TYW1B: variants seen among roughly 807,000 people sequenced by gnomAD.
The protein encoded by TYW1B is S-adenosyl-L-methionine-dependent tRNA 4-demethylwyosine synthase TYW1B.
In TYW1B, 73 loss-of-function variants were observed where a neutral mutation model predicts 86.9. The ratio of observed to expected loss-of-function variants is 0.84; its 90% CI spans 0.70 to 1.02. The LOEUF (loss-of-function observed/expected upper bound fraction) is 1.02. TYW1B is among the 50% of genes least tolerant of loss of function. TYW1B has a pLI of 0.00. For missense variants in TYW1B, 637 were observed against 827.4 expected (o/e 0.77, Z 2.82); for synonymous variants, 248 against 292.8 (o/e 0.85, Z 1.56).
At chr7:72,712,274 G>A (rs1786683832) in intron 10 of TYW1B, among the ~76,000 whole-genome samples, 1 of 151,986 alleles carries the variant, frequency 6.6e-6, no homozygotes, top group Non-Finnish European at 1.5e-5. Flanking sequence ...CCTCTTCTCC[G>A]CTAGCCTCTC....
At chr7:72,792,031 C>A (rs550178953) in intron 6 of TYW1B, among the ~76,000 whole-genome samples, 3 of 152,042 alleles carry the variant, frequency 2.0e-5, no homozygotes, top group Non-Finnish European at 4.4e-5. Flanking sequence ...TTCAGGCAGA[C>A]AGAAAGAAAT....
intron 7 of TYW1B, among the ~76,000 whole-genome samples, chr7:72,754,772 TAAGATGGTGCAAATAGCTAAC>T (rs1554465696): frequency 6.6e-6 from 1 of 152,146 alleles, no homozygotes; most frequent in Non-Finnish European, 1.5e-5. Flanking sequence ...TTACCCATTA[TAAGATGGTGCAAATAGCTAAC>T]TGCTTCCTGA....
At chr7:72,800,193 T>C (rs1358809865) in intron 6 of TYW1B, among the ~76,000 whole-genome samples, 2 of 151,982 alleles carry the variant, frequency 1.3e-5, no homozygotes, top group African/African-American at 2.4e-5. Flanking sequence ...TAACAGATGT[T>C]TCACATCTTT....
chr7:72,708,678 C>T (rs1212722511), intron 10 of TYW1B, among the ~76,000 whole-genome samples: 1 of 152,148 alleles, frequency 6.6e-6, no homozygotes, highest in Non-Finnish European at 1.5e-5. Context: ...ATTTTGATTC[C>T]TCCTATCCAC....
intron 11 of TYW1B, among the ~76,000 whole-genome samples, chr7:72,683,093 TTTTATCAGAGC>T: frequency 6.6e-6 from 1 of 152,098 alleles, no homozygotes; most frequent in Non-Finnish European, 1.5e-5. Flanking sequence ...ACTTGCTTGG[TTTTATCAGAGC>T]CTAACTAACC....
chr7:72,625,023 C>A (rs1296307975), intron 12 of TYW1B, among the ~76,000 whole-genome samples: 1 of 150,346 alleles, frequency 6.7e-6, no homozygotes. Flanking sequence ...TGTGCCAGTG[C>A]GCTCCAGCCT....
chr7:72,653,710 G>T (rs1554443177), intron 11 of TYW1B, among the ~76,000 whole-genome samples: 1 of 152,042 alleles, frequency 6.6e-6, no homozygotes, highest in East Asian at 1.9e-4. Flanking sequence ...ACATTGGCAG[G>T]CTAGTACAGA....
At chr7:72,607,344 A>C (rs1811823351) in intron 13 of TYW1B, among the ~76,000 whole-genome samples, 1 of 147,340 alleles carries the variant, frequency 6.8e-6, no homozygotes, top group South Asian at 2.3e-4. Context: ...GTGAGCCAAG[A>C]TTGTGCCACT....
At chr7:72,716,242 T>C (rs1158587615) in intron 9 of TYW1B, among the ~76,000 whole-genome samples, 1 of 152,158 alleles carries the variant, frequency 6.6e-6, no homozygotes, top group Non-Finnish European at 1.5e-5. Context: ...CAGCCATTAT[T>C]GGCCATCTTT....
chr7:72,611,300 T>C (rs1279992522), intron 13 of TYW1B, among the ~76,000 whole-genome samples: 2 of 152,052 alleles, frequency 1.3e-5, no homozygotes, highest in Non-Finnish European at 2.9e-5. Context: ...GTTAGCCCAT[T>C]CTTGAAGGCA....
intron 12 of TYW1B, among the ~76,000 whole-genome samples, chr7:72,624,157 C>A (rs1237456509): frequency 6.6e-6 from 1 of 152,142 alleles, no homozygotes; most frequent in Non-Finnish European, 1.5e-5. Context: ...AATAAGACAA[C>A]AATGACAAAA....
At chr7:72,692,848 G>A (rs1346057764) in intron 11 of TYW1B, among the ~76,000 whole-genome samples, 13 of 152,142 alleles carry the variant, frequency 8.5e-5, no homozygotes, top group Non-Finnish European at 1.3e-4. Context: ...TGGTGGGCAC[G>A]TGTGCAGAAA....
chr7:72,656,808 A>G (rs1554443710), intron 11 of TYW1B, among the ~76,000 whole-genome samples: 2 of 152,126 alleles, frequency 1.3e-5, no homozygotes, highest in Non-Finnish European at 2.9e-5. Flanking sequence ...TGGGAGCAAG[A>G]GCAAAGGAGG....
At position 72,664,312 on chromosome 7, in the gene TYW1B, T is replaced by G. The variant is rs149533344; in HGVS notation, c.1506+30375A>C. ...ACCTTGATTCTTTCCTTCTTCCTAA[T>G]TTCCATAGGCTTATTTTGCTGTTTC... On this transcript the variant is annotated intron_variant, in intron 11 of 13. Transcript: ENST00000620995. Among the ~76,000 whole-genome samples, 53 of 152,316 alleles carry G rather than the reference T, an allele frequency of 3.5e-4. 1 individual carries two copies. The East Asian group carries it at 0.01, about 29-fold the overall frequency.
intron 9 of TYW1B, among the ~76,000 whole-genome samples, chr7:72,720,793 C>G (rs1195511781): frequency 6.6e-6 from 1 of 152,054 alleles, no homozygotes; most frequent in Non-Finnish European, 1.5e-5. Flanking sequence ...TACATGTGAG[C>G]AATGTGCAGG....
At chr7:72,624,239 T>C (rs782311646) in intron 12 of TYW1B, among the ~76,000 whole-genome samples, 2 of 152,226 alleles carry the variant, frequency 1.3e-5, no homozygotes, top group Non-Finnish European at 2.9e-5. Flanking sequence ...ATTTACTGAT[T>C]TCATTTGTCT....
intron 9 of TYW1B, among the ~76,000 whole-genome samples, chr7:72,725,915 T>C (rs1307793832): frequency 6.6e-6 from 1 of 152,004 alleles, no homozygotes; most frequent in African/African-American, 2.4e-5. Context: ...TACACGTACA[T>C]ACACACACAC....
intron 12 of TYW1B, among the ~76,000 whole-genome samples, chr7:72,620,872 A>C (rs1554437871): frequency 6.6e-6 from 1 of 152,212 alleles, no homozygotes; most frequent in African/African-American, 2.4e-5. Flanking sequence ...CAAGTCACTC[A>C]CATCAGAATC....
At chr7:72,697,031 T>TAAAAAAAAAAAAAAAAAAAAAAAA (rs781801843) in intron 10 of TYW1B, among the ~76,000 whole-genome samples, 1 of 137,922 alleles carries the variant, frequency 7.3e-6, no homozygotes, top group Non-Finnish European at 1.5e-5. Context: ...GATTTCTACT[T>TAAAAAAAAAAAAAAAAAAAAAAAA]AAAAAAAAAA....
Sources: gnomAD v4.1 joint callset for allele counts (sites outside exome capture counted in the v4.1 genomes callset) on GRCh38, gnomAD v4.1.1 for gene constraint, MANE v1.5 for transcripts, NCBI Gene and HGNC (gene_info 2026-07-23, HGNC 2026-07-21) for gene names.